Variants in PKN2 observed in about 807,000 individuals in gnomAD.
PKN2 encodes protein kinase N2.
Under a neutral mutation model 119.1 loss-of-function variants are expected in PKN2, and 38 were observed. The observed-to-expected ratio is 0.32, with a 90% confidence interval of 0.25 to 0.42. The LOEUF (loss-of-function observed/expected upper bound fraction) is 0.42. PKN2 is among the 10% of genes least tolerant of loss of function. The pLI is 1.00. For missense variants in PKN2, 850 were observed against 1,165.1 expected, an observed-to-expected ratio of 0.73 and a Z score of 3.94; for synonymous variants, 390 against 384.9, an observed-to-expected ratio of 1.01 and a Z score of -0.15.
intron 1 of PKN2, among the ~76,000 whole-genome samples, chr1:88,702,659 T>A (rs946347050): frequency 1.6e-4 from 24 of 152,210 alleles, no homozygotes; most frequent in Non-Finnish European, 3.1e-4. Flanking sequence ...TTGAAAAAGT[T>A]TTTTAGTCAA....
intron 1 of PKN2, among the ~76,000 whole-genome samples, chr1:88,696,586 C>G (rs549259576): frequency 6.6e-6 from 1 of 152,096 alleles, no homozygotes; most frequent in Non-Finnish European, 1.5e-5. Flanking sequence ...TGTCACAATT[C>G]TAAATTCTTA....
intron 19 of PKN2, chr1:88,828,961 G>A (rs1201341782): frequency 3.1e-6 from 2 of 636,004 alleles, no homozygotes; most frequent in Non-Finnish European, 6.0e-6. Context: ...GTAAAGAAAA[G>A]CCCACTATAG....
Position 88,804,877 on chromosome 1 carries a change from G to A in PKN2, c.1457G>A (p.Arg486Lys), listed in dbSNP as rs1671471831. ...VTFFNPVIERRPKLQRQKKIF... is the reference protein window; with the variant it reads ...VTFFNPVIERKPKLQRQKKIF... ...TTTTTTAATCCAGTTATTGAAAGAA[G>A]ACCAAAACTTCAAAGACAAAAGAAA... Residue 486 changes from arginine (R) to lysine (K), a missense_variant, in exon 10 of 22, where the codon AGA (arginine) becomes AAA (lysine). Coordinates refer to ENST00000370521, the MANE Select transcript of PKN2 (RefSeq NM_006256.4). 3 of 1,577,872 alleles carry A rather than the reference G, an allele frequency of 1.9e-6. No homozygotes were observed. In the East Asian group the frequency reaches 6.8e-5, roughly 36 times the overall value.
intron 1 of PKN2, among the ~76,000 whole-genome samples, chr1:88,728,894 C>CTTTT (rs397844615): frequency 1.3e-4 from 17 of 130,244 alleles, no homozygotes; most frequent in Admixed American, 3.9e-4. Context: ...ACATCCCCAT[C>CTTTT]TTTTTTTTTT....
chr1:88,822,905 A>G (rs1014708942), intron 17 of PKN2, among the ~76,000 whole-genome samples: 1 of 151,874 alleles, frequency 6.6e-6, no homozygotes, highest in Non-Finnish European at 1.5e-5. Flanking sequence ...TGTTTTCATG[A>G]TAAGATTGTT....
At chr1:88,715,184 G>A (rs922065767) in intron 1 of PKN2, among the ~76,000 whole-genome samples, 3 of 152,088 alleles carry the variant, frequency 2.0e-5, no homozygotes, top group Non-Finnish European at 2.9e-5. Context: ...CCAGTATTTT[G>A]TTGAGGATTT....
intron 6 of PKN2, among the ~76,000 whole-genome samples, chr1:88,776,759 C>A (rs773426284): frequency 1.3e-5 from 2 of 151,608 alleles, no homozygotes; most frequent in Non-Finnish European, 2.9e-5. Flanking sequence ...AAAAAAAGTC[C>A]TCCTGCTTCC....
intron 2 of PKN2, among the ~76,000 whole-genome samples, chr1:88,745,053 A>G (rs762768620): frequency 9.2e-5 from 14 of 152,218 alleles, no homozygotes; most frequent in Non-Finnish European, 1.9e-4. Flanking sequence ...ATTTAAGAAA[A>G]TTCAACATTT....
chr1:88,804,947 G>A (rs751904935), intron 10 of PKN2, 26 bp downstream of exon 10: 102 of 1,049,470 alleles, frequency 9.7e-5, no homozygotes, highest in Non-Finnish European at 1.4e-4. Flanking sequence ...CAAATGCATA[G>A]CATTTTGATA....
At chr1:88,694,671 A>G (rs1448373627) in intron 1 of PKN2, among the ~76,000 whole-genome samples, 1 of 152,156 alleles carries the variant, frequency 6.6e-6, no homozygotes, top group Non-Finnish European at 1.5e-5. Context: ...TTAGATTTGT[A>G]AGAAACTCCC....
At chr1:88,797,348 A>G (rs1016355970) in intron 8 of PKN2, among the ~76,000 whole-genome samples, 3 of 150,154 alleles carry the variant, frequency 2.0e-5, no homozygotes, top group South Asian at 2.1e-4. Flanking sequence ...AAAAAAAAAA[A>G]GAAAGAAAAT....
At chr1:88,793,464 C>G (rs1670931379) in intron 8 of PKN2, among the ~76,000 whole-genome samples, 1 of 152,032 alleles carries the variant, frequency 6.6e-6, no homozygotes, top group Non-Finnish European at 1.5e-5. Context: ...TTGTATTGTT[C>G]ATAGGTCAGC....
intron 1 of PKN2, among the ~76,000 whole-genome samples, chr1:88,720,159 G>A (rs1051839094): frequency 2.0e-5 from 3 of 151,932 alleles, no homozygotes; most frequent in Non-Finnish European, 2.9e-5. Flanking sequence ...TCAGCCTCCC[G>A]AGTAGCTGGG....
intron 18 of PKN2, among the ~76,000 whole-genome samples, chr1:88,826,539 A>C (rs929245320): frequency 6.6e-6 from 1 of 152,144 alleles, no homozygotes; most frequent in African/African-American, 2.4e-5. Context: ...CCCAAATAAC[A>C]TACATTGTAC....
chr1:88,787,191 G>T (rs1670614480), intron 8 of PKN2, among the ~76,000 whole-genome samples: 1 of 151,942 alleles, frequency 6.6e-6, no homozygotes, highest in Non-Finnish European at 1.5e-5. Context: ...GTATGGCTAT[G>T]AATTTGAATA....
At chr1:88,813,171 A>C (rs1671848758) in intron 15 of PKN2, among the ~76,000 whole-genome samples, 1 of 152,194 alleles carries the variant, frequency 6.6e-6, no homozygotes, top group African/African-American at 2.4e-5. Context: ...ACTGTCTTTG[A>C]AATTACCTTC....
At chr1:88,686,714 A>C (rs1455831159) in intron 1 of PKN2, among the ~76,000 whole-genome samples, 3 of 152,092 alleles carry the variant, frequency 2.0e-5, no homozygotes, top group Non-Finnish European at 4.4e-5. Context: ...TTAAAGATAA[A>C]TAGTCATAAA....
intron 2 of PKN2, among the ~76,000 whole-genome samples, chr1:88,752,415 A>C (rs1385200885): frequency 3.3e-5 from 5 of 152,104 alleles, no homozygotes; most frequent in Non-Finnish European, 7.4e-5. Context: ...TAAAATCTTT[A>C]CAAGGCTAGT....
chr1:88,770,208 C>T (rs1051757948), intron 3 of PKN2, 144 bp from the exon 4 acceptor site: 27 of 515,126 alleles, frequency 5.2e-5, no homozygotes, highest in Non-Finnish European at 8.1e-5. Flanking sequence ...GTAAATGTAT[C>T]TATAAGATAT....
Sources: allele counts gnomAD v4.1 joint callset (sites outside exome capture counted in the v4.1 genomes callset), GRCh38; gene constraint gnomAD v4.1.1; transcripts MANE v1.5; gene names NCBI Gene and HGNC (gene_info 2026-07-23, HGNC 2026-07-21).